The following COL1A2 variants were observed in gnomAD, a reference collection of about 807,000 sequenced individuals.
COL1A2 encodes the protein collagen alpha-2(I) chain.
A neutral mutation model predicts 174.3 loss-of-function variants in COL1A2; 49 were observed. The ratio of observed to expected loss-of-function variants is 0.28; its 90% CI spans 0.22 to 0.36. COL1A2 has a LOEUF of 0.36. COL1A2 is among the 10% of genes least tolerant of loss of function. The pLI, the probability that COL1A2 is intolerant of heterozygous loss-of-function variation, is 1.00. For missense variants in COL1A2, 1,438 were observed against 1,822.7 expected (o/e 0.79, Z 3.84); for synonymous variants, 655 against 606.6 (o/e 1.08, Z -1.17).
chr7:94,407,758 T>G (rs1282727553), intron 12 of COL1A2, 89 bp from the exon 13 acceptor site: 8 of 1,190,006 alleles, frequency 6.7e-6, no homozygotes, highest in Non-Finnish European at 9.8e-6. Context: ...TATGAATGGT[T>G]CAAAGTAAAA....
rs767313603 is a variant in COL1A2 at position 94,408,849 on chromosome 7, C to A, written c.792+26C>A. Reference sequence around the variant, plus strand: ...GTAAAAACACTGGTGACCATTGTCACTACTTTGATAAACTTTTTACTGTGA... The same window carrying A: ...GTAAAAACACTGGTGACCATTGTCAATACTTTGATAAACTTTTTACTGTGA... On this transcript the variant is annotated intron_variant, in intron 16 of 51. Transcript: ENST00000297268. 3.7e-6 allele frequency: 6 copies of A among 1,607,950 alleles called. No homozygotes were observed. The African/African-American group carries it at 5.3e-5, about 14-fold the overall frequency.
intron 1 of COL1A2, 138 bp from the exon 2 acceptor site, chr7:94,397,610 A>T: frequency 1.8e-6 from 1 of 540,734 alleles, no homozygotes; most frequent in East Asian, 3.2e-5. Context: ...TCATTAAAAT[A>T]TTCTTAAAAA....
At chr7:94,422,011 A>G (rs1424666554) in intron 39 of COL1A2, 59 bp downstream of exon 39, 6 of 1,449,840 alleles carry the variant, frequency 4.1e-6, no homozygotes, top group Non-Finnish European at 5.8e-6. Context: ...CTGGCTTCTG[A>G]TAGGAAACTG....
chr7:94,401,354 A>G (rs1427096262), intron 5 of COL1A2, among the ~76,000 whole-genome samples: 1 of 152,126 alleles, frequency 6.6e-6, no homozygotes, highest in Non-Finnish European at 1.5e-5. Flanking sequence ...CATTTCAAAG[A>G]GGTGTCGGCC....
chr7:94,426,947 A>C, intron 46 of COL1A2, 61 bp from the exon 47 acceptor site: 2 of 1,539,682 alleles, frequency 1.3e-6, no homozygotes, highest in Non-Finnish European at 8.9e-7. Context: ...TGGAAAAAAA[A>C]AAAAAATATG....
At position 94,409,832 on chromosome 7, in the gene COL1A2, A is replaced by G. The variant is rs369038269; in HGVS notation, c.1035+11A>G. 5 of 1,613,212 alleles carry G rather than the reference A, an allele frequency of 3.1e-6. No homozygotes were observed. In the African/African-American group the frequency reaches 5.3e-5, roughly 17 times the overall value. On this transcript the variant is annotated intron_variant, in intron 19 of 51. Coordinates refer to ENST00000297268, the MANE Select transcript of COL1A2 (RefSeq NM_000089.4). ...GCCAGAGGACTTGTTGTAAGTGGTC[A>G]TGACTGTGGTTCTCATCATCCTGAA...
chr7:94,428,456 A>C lies in COL1A2; in HGVS notation c.3690A>C (p.Glu1230Asp). The C allele has an allele frequency of 6.2e-7, 1 of 1,614,062 alleles. No homozygotes were observed. The highest frequency in any genetic ancestry group is 8.5e-7 in the Non-Finnish European group (1 of 1,179,982). Residue 1230 changes from glutamate to aspartate, a missense_variant, in exon 50 of 52, where the codon GAA becomes GAC. Physicochemically the swap from Glu to Asp is conservative, Grantham distance 45. This residue lies in a region of COL1A2 where 290 missense variants were observed against 298.1 expected (regional missense o/e 0.97). Transcript: ENST00000297268. ...ACAAGAAACACGTCTGGCTAGGAGA[A>C]ACTATCAATGCTGGCAGCCAGGTGA... is the stretch of plus-strand genomic sequence containing the variant. ...SKDKKHVWLG[E>D]TINAGSQFEY...
At chr7:94,401,193 T>C (rs1335301556) in intron 5 of COL1A2, among the ~76,000 whole-genome samples, 1 of 152,186 alleles carries the variant, frequency 6.6e-6, no homozygotes, top group East Asian at 1.9e-4. Flanking sequence ...TGTGAAGATG[T>C]CCTCTTGAGC....
At chr7:94,410,828 T>C (rs1791905475) in intron 21 of COL1A2, 61 bp from the exon 22 acceptor site, 1 of 1,568,396 alleles carries the variant, frequency 6.4e-7, no homozygotes, top group Non-Finnish European at 8.8e-7. Flanking sequence ...TTTTACAAAC[T>C]CTACCTTATC....
At position 94,427,069 on chromosome 7, in the gene COL1A2, G is replaced by A. The variant is rs758657321; in HGVS notation, c.3159+8G>A. ...GGTCCTGCTGGTCCTAGGGTAGGTG[G>A]ACTCAAGAGAAGACAGTTCATCTCT... On this transcript the variant is annotated splice_region_variant and intron_variant, in intron 47 of 51. Coordinates refer to ENST00000297268, the MANE Select transcript of COL1A2 (RefSeq NM_000089.4). 7 of 1,613,876 alleles carry A rather than the reference G, an allele frequency of 4.3e-6. No homozygotes were observed. The highest frequency in any genetic ancestry group is 1.7e-4 in the Middle Eastern group (1 of 6,054).
Position 94,427,644 on chromosome 7 carries a change from T to C in COL1A2, c.3285T>C (p.Pro1095=). ...HQGPAGPPGP[P]GPPGPPGVSG... ...CTTTGCAGGGCCCCCCTGGTCCCCCTGGCCCTCCTGGACCTCCAGGTGTAA... is the reference window on the plus strand; with the variant it reads ...CTTTGCAGGGCCCCCCTGGTCCCCCCGGCCCTCCTGGACCTCCAGGTGTAA... Residue 1095 remains proline (P), a synonymous_variant, in exon 49 of 52, where the codon CCT becomes CCC. Transcript: ENST00000297268. 6.2e-7 allele frequency: 1 copy of C among 1,614,168 alleles called. No homozygotes were observed. The highest frequency in any genetic ancestry group is 2.2e-5 in the East Asian group (1 of 44,876).
Position 94,427,861 on chromosome 7 carries a change from C to A in COL1A2, c.3502C>A (p.Leu1168Ile), listed in dbSNP as rs757671944. Residue 1168 changes from leucine to isoleucine, a missense_variant, in exon 49 of 52, where the codon CTC (leucine) becomes ATC (isoleucine). Around this residue, in one of 3 missense-constraint regions of COL1A2, gnomAD observed 290 missense variants for 298.1 expected, o/e 0.97. Coordinates refer to ENST00000297268, the MANE Select transcript of COL1A2 (RefSeq NM_000089.4). ...AGCTCGCACATGCCGTGACTTGAGA[C>A]TCAGCCACCCAGAGTGGAGCAGTGG... ...NPARTCRDLR[L>I]SHPEWSSGYY... 1 of 1,614,144 alleles carries A rather than the reference C, an allele frequency of 6.2e-7. No homozygotes were observed. The highest frequency in any genetic ancestry group is 1.7e-5 in the Admixed American group (1 of 60,028).
chr7:94,413,876 C>G lies in COL1A2; in HGVS notation c.1612-18C>G, dbSNP rs1791983353. ...TGACATACGTTGCTATTTATGCTCT[C>G]TTTCCTGTCACTTTCAGGGTGTTCA... On this transcript the variant is annotated intron_variant, in intron 27 of 51. Transcript: ENST00000297268. 4 of 1,613,952 alleles carry G rather than the reference C, an allele frequency of 2.5e-6. No homozygotes were observed. The African/African-American group carries it at 4.0e-5, about 16-fold the overall frequency.
rs1562909691 is a variant in COL1A2, at chr7:94,431,187, T to TG, written c.*795dup. 1 of 152,572 alleles carries TG rather than the reference T, an allele frequency of 6.6e-6. No homozygotes were observed. The highest frequency in any genetic ancestry group is 1.9e-4 in the East Asian group (1 of 5,200). The allele number at this position is 152,572 out of a possible 1,614,324, so 9.5% of individuals were successfully genotyped here. A position where few individuals can be genotyped will look rare whatever the true frequency, so the allele number is the denominator to read the frequency against. On this transcript the variant is annotated 3_prime_UTR_variant, in exon 52 of 52. Transcript: ENST00000297268. The stretch of plus-strand genomic sequence containing the variant: ...ATATGTGAGATGTTTAAATAAATTG[T>TG]GAAAAAAATGAAATAAAGCATGTTT...
At chr7:94,426,666 C>CTCA in intron 46 of COL1A2, 136 bp downstream of exon 46, 1 of 776,742 alleles carries the variant, frequency 1.3e-6, no homozygotes, top group Non-Finnish European at 2.2e-6. Context: ...CTAACTCCAT[C>CTCA]TCACTCTTGG....
chr7:94,416,648 G>A lies in COL1A2; in HGVS notation c.1863+145G>A, dbSNP rs148666306. ...CTTCCCTCTCAGTAAACAGCAATCC[G>A]ATTCCAGTGGACCTGAATTATTCTA... On this transcript the variant is annotated intron_variant, in intron 31 of 51. Coordinates refer to ENST00000297268, the MANE Select transcript of COL1A2 (RefSeq NM_000089.4). 2.4e-5 allele frequency: 16 copies of A among 665,578 alleles called. 1 individual carries two copies. Among genetic ancestry groups the A allele is most frequent in the South Asian group, 1.6e-4 (9 of 56,480 alleles). The allele number at this position is 665,578 out of a possible 1,614,324, so 41.2% of individuals were successfully genotyped here.
At chr7:94,420,924 A>T in intron 37 of COL1A2, 85 bp from the exon 38 acceptor site, 1 of 1,298,926 alleles carries the variant, frequency 7.7e-7, no homozygotes, top group Non-Finnish European at 1.1e-6. Flanking sequence ...CTTCTAAGAG[A>T]TGCGGGAATG....
At chr7:94,395,211 G>T in intron 1 of COL1A2, 110 bp downstream of exon 1, 1 of 880,466 alleles carries the variant, frequency 1.1e-6, no homozygotes, top group Non-Finnish European at 2.0e-6. Flanking sequence ...CACTTGGAGG[G>T]CAGACTCTCA....
At position 94,416,456 on chromosome 7, in the gene COL1A2, A is replaced by G. The variant is rs1294356433; in HGVS notation, c.1816A>G (p.Ile606Val). ...TGGTGCTGCCGGTCCTACTGGTCCT[A>G]TTGGAAGCCGAGGTCCTTCTGGACC... ...ESGAAGPTGPIGSRGPSGPPG... is the reference protein window; with the variant it reads ...ESGAAGPTGPVGSRGPSGPPG... Residue 606 changes from isoleucine to valine, a missense_variant, in exon 31 of 52, where the codon ATT (isoleucine) becomes GTT (valine). This residue lies in a region of COL1A2 where 867 missense variants were observed against 1,213.7 expected (regional missense o/e 0.71). Transcript: ENST00000297268. 1.3e-6 allele frequency: 2 copies of G among 1,587,554 alleles called. No individual in the cohort carries two copies. Among genetic ancestry groups the G allele is most frequent in the Non-Finnish European group, 8.6e-7 (1 of 1,166,186 alleles).
Sources: allele counts gnomAD v4.1 joint callset (sites outside exome capture counted in the v4.1 genomes callset), GRCh38; gene constraint gnomAD v4.1.1; regional missense constraint gnomAD v4.1.1; transcripts MANE v1.5; gene names NCBI Gene and HGNC (gene_info 2026-07-23, HGNC 2026-07-21).